PCDH15: variants seen among roughly 807,000 people sequenced by gnomAD.
PCDH15 encodes the protein protocadherin-15.
A neutral mutation model predicts 178.5 loss-of-function variants in PCDH15; 129 were observed. That is an observed-to-expected ratio of 0.72 (90% CI 0.63 to 0.84). The LOEUF (loss-of-function observed/expected upper bound fraction) is 0.84, where lower values mean the gene tolerates loss of function less well. Ranked by LOEUF, PCDH15 falls within the 40% of genes least tolerant of loss-of-function variation. PCDH15 has a pLI of 0.00. For synonymous variants in PCDH15, 800 were observed against 732.0 expected (o/e 1.09, Z -1.50); for missense variants, 2,230 against 2,099.9 (o/e 1.06, Z -1.21).
At chr10:53,866,582 A>G (rs1296646657) in intron 27 of PCDH15, 60 bp downstream of exon 27, 1 of 1,275,704 alleles carries the variant, frequency 7.8e-7, no homozygotes, top group Non-Finnish European at 1.1e-6. Flanking sequence ...ATAAACTGAA[A>G]ACACTGACCT....
chr10:54,864,241 G>C (rs1953896635), intron 3 of PCDH15, among the ~76,000 whole-genome samples: 1 of 152,090 alleles, frequency 6.6e-6, no homozygotes, highest in African/African-American at 2.4e-5. Flanking sequence ...ATAATAATAA[G>C]AGCAGATATA....
intron 3 of PCDH15, among the ~76,000 whole-genome samples, chr10:54,488,143 T>A: frequency 6.6e-6 from 1 of 151,868 alleles, no homozygotes; most frequent in Non-Finnish European, 1.5e-5. Context: ...CTTTTCATAC[T>A]GTTTTACTAT....
chr10:54,168,659 T>C (rs1268885702), intron 13 of PCDH15, among the ~76,000 whole-genome samples: 1 of 152,166 alleles, frequency 6.6e-6, no homozygotes, highest in African/African-American at 2.4e-5. Flanking sequence ...TCAGATAGCG[T>C]TTAGGCTCTT....
At chr10:54,860,341 T>A (rs991337765) in intron 3 of PCDH15, among the ~76,000 whole-genome samples, 6 of 152,066 alleles carry the variant, frequency 3.9e-5, no homozygotes, top group Non-Finnish European at 5.9e-5. Flanking sequence ...ATTGTTCCCA[T>A]CTTTATGTTC....
intron 23 of PCDH15, among the ~76,000 whole-genome samples, chr10:53,953,112 A>C (rs1468636794): frequency 6.6e-6 from 1 of 152,256 alleles, no homozygotes; most frequent in African/African-American, 2.4e-5. Flanking sequence ...TGCAGAGTGC[A>C]TAGCCCCAGC....
At chr10:55,483,963 C>T (rs528060233) in intron 2 of PCDH15, among the ~76,000 whole-genome samples, 29 of 151,796 alleles carry the variant, frequency 1.9e-4, no homozygotes, top group Admixed American at 5.9e-4. Flanking sequence ...TGGAATAATA[C>T]GCATACATAA....
At position 54,574,843 on chromosome 10, in the gene PCDH15, A is replaced by G. The variant is rs553312018; in HGVS notation, c.92-46966T>C. ...ATAAATCATGCTGCTATAAAGACAC[A>G]TGCACACGTATGTTTATTGCGGCAT... On this transcript the variant is annotated intron_variant, in intron 2 of 37. Coordinates refer to ENST00000644397, the MANE Select transcript of PCDH15 (RefSeq NM_001384140.1). Among the ~76,000 whole-genome samples the G allele has an allele frequency of 2.8e-3, 401 of 144,156 alleles. 2 individuals carry two copies. The highest frequency in any genetic ancestry group is 9.8e-3 in the African/African-American group (387 of 39,408). 94.6% of individuals were successfully genotyped at this position (144,156 alleles called of 152,430 possible).
intron 3 of PCDH15, among the ~76,000 whole-genome samples, chr10:54,826,167 T>A (rs914958154): frequency 6.6e-6 from 1 of 152,018 alleles, no homozygotes; most frequent in African/African-American, 2.4e-5. Flanking sequence ...CTTTTTTATA[T>A]TTACACCACA....
At chr10:54,093,518 T>C (rs1482507444) in intron 15 of PCDH15, among the ~76,000 whole-genome samples, 1 of 152,106 alleles carries the variant, frequency 6.6e-6, no homozygotes, top group Non-Finnish European at 1.5e-5. Context: ...AAAAGAAAAA[T>C]TGGAAATATC....
intron 2 of PCDH15, among the ~76,000 whole-genome samples, chr10:55,090,082 G>A (rs187189463): frequency 6.6e-6 from 1 of 152,060 alleles, no homozygotes; most frequent in East Asian, 1.9e-4. Context: ...GAAAAATAAT[G>A]TCTGCAAGAA....
At chr10:54,757,975 T>C (rs979275683) in intron 1 of PCDH15, among the ~76,000 whole-genome samples, 5 of 152,170 alleles carry the variant, frequency 3.3e-5, no homozygotes, top group Non-Finnish European at 7.4e-5. Flanking sequence ...TTGCTTTATA[T>C]TATTTGAGCT....
At chr10:55,233,469 TGA>T (rs1592007630) in intron 1 of PCDH15, among the ~76,000 whole-genome samples, 1 of 152,160 alleles carries the variant, frequency 6.6e-6, no homozygotes, top group East Asian at 1.9e-4. Flanking sequence ...AGTAAATGCA[TGA>T]GAGTTTAGAC....
Position 54,527,870 on chromosome 10 carries a change from T to G in PCDH15, c.99A>C (p.Lys33Asn). ...TAGCTGGTGGTCCTCCCCTAGCTAG[T>G]TTGCAATCTAAAGAGAGAAAATAAC... is the stretch of plus-strand genomic sequence containing the variant. Reference protein sequence around the residue: ...ICLGQYDDDCKLARGGPPATI... With the variant: ...ICLGQYDDDCNLARGGPPATI... Residue 33 changes from lysine (K) to asparagine (N), a missense_variant, in exon 3 of 38, where the codon AAA becomes AAC. Physicochemically the swap from Lys to Asn is moderately conservative, Grantham distance 94. Transcript: ENST00000644397. The G allele has an allele frequency of 6.2e-7, 1 of 1,611,752 alleles. No homozygotes were observed. Among genetic ancestry groups the G allele is most frequent in the Non-Finnish European group, 8.5e-7 (1 of 1,178,200 alleles).
At chr10:54,926,570 C>A (rs1837632744) in intron 2 of PCDH15, among the ~76,000 whole-genome samples, 1 of 151,816 alleles carries the variant, frequency 6.6e-6, no homozygotes, top group African/African-American at 2.4e-5. Flanking sequence ...AGCTTTGAAT[C>A]TGGCTGGTGC....
chr10:53,958,581 G>A (rs2087872320), intron 23 of PCDH15, among the ~76,000 whole-genome samples: 1 of 152,012 alleles, frequency 6.6e-6, no homozygotes, highest in African/African-American at 2.4e-5. Flanking sequence ...TAAGGACATG[G>A]CAAAAAGGCA....
At chr10:54,913,327 G>C (rs532934878) in intron 2 of PCDH15, among the ~76,000 whole-genome samples, 1 of 152,092 alleles carries the variant, frequency 6.6e-6, no homozygotes, top group Admixed American at 6.5e-5. Flanking sequence ...ACCCTGCATC[G>C]CAGCCACTCC....
rs556216910 is a variant in PCDH15 at position 55,382,758 on chromosome 10, G to A, written c.-155-216107C>T. 8.5e-5 allele frequency among the ~76,000 whole-genome samples: 13 copies of A among 152,274 alleles called. No individual in the cohort carries two copies. In the South Asian group the frequency reaches 2.7e-3, roughly 32 times the overall value. On this transcript the variant is annotated intron_variant, in intron 2 of 5. Coordinates refer to the PCDH15 transcript ENST00000613346. ...TGGCCTTGATGATGATACTGAGATGGGAGAGAGTTCCTTGACCCCTTCACG... is the reference window on the plus strand; with the variant it reads ...TGGCCTTGATGATGATACTGAGATGAGAGAGAGTTCCTTGACCCCTTCACG...
chr10:54,146,240 T>C (rs2043892218), intron 14 of PCDH15, among the ~76,000 whole-genome samples: 1 of 152,024 alleles, frequency 6.6e-6, no homozygotes, highest in African/African-American at 2.4e-5. Flanking sequence ...ATAATCACAA[T>C]GGGAAAATAA....
At chr10:55,299,723 A>G (rs4935590) in intron 1 of PCDH15, among the ~76,000 whole-genome samples, 31,916 of 152,110 alleles carry the variant, frequency 0.21, 5,468 homozygotes, top group African/African-American at 0.47. Flanking sequence ...GAATTGGACC[A>G]ACCTCCAATA....
Sources: gnomAD v4.1 joint callset for allele counts (sites outside exome capture counted in the v4.1 genomes callset) on GRCh38, gnomAD v4.1.1 for gene constraint, MANE v1.5 for transcripts, NCBI Gene and HGNC (gene_info 2026-07-23, HGNC 2026-07-21) for gene names.